The following NOL4L variants were observed in gnomAD, a reference collection of about 807,000 sequenced individuals.
The protein encoded by NOL4L is nucleolar protein 4 like, also known as nucleolar protein 4-like.
Under a neutral mutation model 64.5 loss-of-function variants are expected in NOL4L, and 7 were observed. That is an observed-to-expected ratio of 0.11 (90% CI 0.06 to 0.20). The LOEUF (loss-of-function observed/expected upper bound fraction) is 0.20. Ranked by LOEUF, NOL4L falls within the 10% of genes least tolerant of loss-of-function variation. NOL4L has a pLI of 1.00. For synonymous variants in NOL4L, 413 were observed against 401.0 expected, an observed-to-expected ratio of 1.03 and a Z score of -0.36; for missense variants, 680 against 967.1, an observed-to-expected ratio of 0.70 and a Z score of 3.94.
intron 5 of NOL4L, among the ~76,000 whole-genome samples, chr20:32,456,945 G>C (rs1022961899): frequency 6.6e-6 from 1 of 152,234 alleles, no homozygotes; most frequent in Admixed American, 6.5e-5. Flanking sequence ...ACTCCCTCCT[G>C]TAAGCAAGCC....
At chr20:32,559,213 T>C (rs1978848344) in intron 1 of NOL4L, among the ~76,000 whole-genome samples, 1 of 152,146 alleles carries the variant, frequency 6.6e-6, no homozygotes, top group African/African-American at 2.4e-5. Context: ...GGCCACTGCT[T>C]TCCTCTCTGG....
At chr20:32,566,205 GAC>G (rs1402719240) in intron 1 of NOL4L, among the ~76,000 whole-genome samples, 1 of 152,178 alleles carries the variant, frequency 6.6e-6, no homozygotes, top group African/African-American at 2.4e-5. Context: ...TGCAGTTGAG[GAC>G]ACTGAAGCTC....
intron 4 of NOL4L, among the ~76,000 whole-genome samples, chr20:32,484,914 C>G (rs1029272903): frequency 9.2e-5 from 14 of 151,826 alleles, no homozygotes; most frequent in Middle Eastern, 6.8e-3. Flanking sequence ...AATTAGACCC[C>G]GATGGAGAAA....
At chr20:32,576,874 G>A (rs560222653) in intron 1 of NOL4L, among the ~76,000 whole-genome samples, 2 of 152,320 alleles carry the variant, frequency 1.3e-5, no homozygotes, top group South Asian at 2.1e-4. Context: ...GAAAGCTTAC[G>A]TGGGGTGCCC....
intron 4 of NOL4L, 53 bp downstream of exon 4, chr20:32,511,294 G>T (rs747049421): frequency 8.5e-6 from 10 of 1,171,150 alleles, no homozygotes; most frequent in Non-Finnish European, 1.2e-5. Context: ...ATCAACCACC[G>T]CCAGGCAAGT....
chr20:32,496,691 C>T (rs1033012415), intron 4 of NOL4L, among the ~76,000 whole-genome samples: 1 of 151,994 alleles, frequency 6.6e-6, no homozygotes, highest in Non-Finnish European at 1.5e-5. Flanking sequence ...GCTGGAACTA[C>T]AGGTGCCTGC....
At chr20:32,512,748 T>C (rs1354783123) in intron 3 of NOL4L, among the ~76,000 whole-genome samples, 2 of 152,186 alleles carry the variant, frequency 1.3e-5, no homozygotes, top group East Asian at 3.8e-4. Flanking sequence ...TCAAGAATCT[T>C]ATTTTGCTTT....
At chr20:32,455,089 ACTC>A (rs1258567700) in intron 6 of NOL4L, among the ~76,000 whole-genome samples, 2 of 152,064 alleles carry the variant, frequency 1.3e-5, no homozygotes, top group Admixed American at 6.5e-5. Flanking sequence ...TTCCCACGCC[ACTC>A]CTCAGCCAAA....
Position 32,445,871 on chromosome 20 carries a change from C to G in NOL4L, c.*1725G>C, listed in dbSNP as rs1026732641. On this transcript the variant is annotated 3_prime_UTR_variant, in exon 11 of 11. Transcript: ENST00000621426. ...CAGGATGGGGCATCCTCACTGGTGC[C>G]CCCCCCATCCCTCCTTGGGGGGAGT... 11 of 145,120 alleles carry G rather than the reference C, an allele frequency of 7.6e-5. No individual in the cohort carries two copies. Among genetic ancestry groups the G allele is most frequent in the Non-Finnish European group, 1.5e-4 (10 of 67,968 alleles). The allele number at this position is 145,120 out of a possible 1,614,324, so 9.0% of individuals were successfully genotyped here. A position where few individuals can be genotyped will look rare whatever the true frequency, so the allele number is the denominator to read the frequency against.
rs753096212 is a variant in NOL4L, at chr20:32,447,791, G to T, written c.1848C>A (p.Gly616=). 6.4e-7 allele frequency: 1 copy of T among 1,570,324 alleles called. No individual in the cohort carries two copies. Among genetic ancestry groups the T allele is most frequent in the South Asian group, 1.2e-5 (1 of 85,352 alleles). The change falls in exon 11 of 11, where the codon GGC becomes GGA. Residue 616 remains glycine, a synonymous_variant. Transcript: ENST00000621426. ...GGGTGGTGGAGGTGGTAGAGGCCCC[G>T]CCTTTCATGCTGAGGTCCGTGGGCC... ...SNGPTDLSMK[G]GASTTSTTPT... is the part of the protein sequence containing the mutation.
chr20:32,580,555 C>A (rs569093977), intron 1 of NOL4L, among the ~76,000 whole-genome samples: 1 of 152,268 alleles, frequency 6.6e-6, no homozygotes, highest in South Asian at 2.1e-4. Context: ...TAGTGGAACA[C>A]CTGGGGTCCA....
At chr20:32,536,407 G>A in intron 1 of NOL4L, 1 of 710,684 alleles carries the variant, frequency 1.4e-6, no homozygotes, top group Non-Finnish European at 1.7e-6. Context: ...GAGGGGAGTG[G>A]GCCGCGCTAA....
At chr20:32,451,869 A>AGGCCTGCAG (rs2012944472) in intron 10 of NOL4L, among the ~76,000 whole-genome samples, 1 of 152,170 alleles carries the variant, frequency 6.6e-6, no homozygotes. Flanking sequence ...GCGGAGATTC[A>AGGCCTGCAG]ACTCAGGCCA....
intron 1 of NOL4L, among the ~76,000 whole-genome samples, chr20:32,553,139 G>A (rs907086235): frequency 3.3e-5 from 5 of 152,106 alleles, no homozygotes; most frequent in South Asian, 2.1e-4. Flanking sequence ...CCTGTGGCGC[G>A]CCCTTCAAAA....
chr20:32,470,539 CG>C (rs1006085426), intron 5 of NOL4L, among the ~76,000 whole-genome samples: 54 of 152,372 alleles, frequency 3.5e-4, no homozygotes, highest in African/African-American at 1.3e-3. Context: ...TAAGTACAGA[CG>C]GATGTGCTGT....
At chr20:32,473,011 A>G (rs549846083) in intron 5 of NOL4L, among the ~76,000 whole-genome samples, 1 of 152,292 alleles carries the variant, frequency 6.6e-6, no homozygotes, top group African/African-American at 2.4e-5. Flanking sequence ...TGGACCCCAC[A>G]GAAATGCCAC....
At chr20:32,461,467 G>A (rs2014056172) in intron 5 of NOL4L, among the ~76,000 whole-genome samples, 1 of 143,004 alleles carries the variant, frequency 7.0e-6, no homozygotes. Flanking sequence ...CTGTTGCTCA[G>A]GATGGAGTAC....
At chr20:32,483,132 A>ACCCGCCC (rs926772911) in intron 4 of NOL4L, among the ~76,000 whole-genome samples, 1 of 76,804 alleles carries the variant, frequency 1.3e-5, no homozygotes, top group Non-Finnish European at 2.8e-5. Context: ...GGGCACACTC[A>ACCCGCCC]CCCGCCCCCC....
In NOL4L at chr20:32,456,186, G is replaced by GGTA. The variant is rs2013494182; in HGVS notation, c.1048_1050dup (p.Tyr350dup). 6.2e-7 allele frequency: 1 copy of GGTA among 1,604,792 alleles called. No homozygotes were observed. Among genetic ancestry groups the GGTA allele is most frequent in the South Asian group, 1.1e-5 (1 of 89,614 alleles). ...CCGTCGGCACCGCAGCCATCCGAGG[G>GGTA]GTAGGAGGCTGTGCCAAGTGCCGTG... On this transcript the variant is annotated inframe_insertion, in exon 6 of 11. Transcript: ENST00000621426.
Sources: allele counts gnomAD v4.1 joint callset (sites outside exome capture counted in the v4.1 genomes callset), GRCh38; gene constraint gnomAD v4.1.1; transcripts MANE v1.5; gene names NCBI Gene and HGNC (gene_info 2026-07-23, HGNC 2026-07-21).